The following SLC22A2 variants were observed in gnomAD, a reference collection of about 807,000 sequenced individuals.
The protein encoded by SLC22A2 is solute carrier family 22 member 2, also known as organic cation transporter 2.
In SLC22A2, 46 loss-of-function variants were observed where a neutral mutation model predicts 60.5. That is an observed-to-expected ratio of 0.76 (90% confidence interval 0.60 to 0.97). The LOEUF (loss-of-function observed/expected upper bound fraction) is 0.97. Among genes scored for constraint, SLC22A2 ranks in the 50% least tolerant of loss-of-function variants. The pLI, the probability that SLC22A2 is intolerant of heterozygous loss-of-function variation, is 0.00. For synonymous variants in SLC22A2, 303 were observed against 267.0 expected, an observed-to-expected ratio of 1.13 and a Z score of -1.31; for missense variants, 701 against 706.6, an observed-to-expected ratio of 0.99 and a Z score of 0.09.
chr6:160,218,510 G>A lies in SLC22A2; in HGVS notation c.1602-1012C>T, dbSNP rs73600478. ...AACAAAAGCAACAGCAGCAACAATA[G>A]TAATAGCAACAGCAACAGTAACAGT... On this transcript the variant is annotated intron_variant, in intron 10 of 10. Transcript: ENST00000366953. 5.7e-3 allele frequency among the ~76,000 whole-genome samples: 850 copies of A among 147,964 alleles called. 12 individuals carry two copies. The highest frequency in any genetic ancestry group is 0.02 in the African/African-American group (812 of 40,388).
At chr6:160,238,309 A>G (rs1422171761) in intron 9 of SLC22A2, among the ~76,000 whole-genome samples, 1 of 152,204 alleles carries the variant, frequency 6.6e-6, no homozygotes. Context: ...GGAAGTGCCT[A>G]TTAAATAATT....
intron 9 of SLC22A2, among the ~76,000 whole-genome samples, chr6:160,236,867 A>G (rs1047233208): frequency 2.0e-5 from 3 of 152,100 alleles, no homozygotes; most frequent in Non-Finnish European, 4.4e-5. Flanking sequence ...TTGGCTTTGA[A>G]AAAAAAAGTC....
At chr6:160,255,659 G>T (rs1056140182) in intron 2 of SLC22A2, among the ~76,000 whole-genome samples, 2 of 151,962 alleles carry the variant, frequency 1.3e-5, no homozygotes. Context: ...ATCTCACTAG[G>T]TGATTGCTGA....
chr6:160,242,228 G>A, intron 8 of SLC22A2, 66 bp downstream of exon 8: 3 of 876,986 alleles, frequency 3.4e-6, no homozygotes, highest in Non-Finnish European at 5.9e-6. Flanking sequence ...GTCTGCACTT[G>A]TGGTGGTTCC....
At chr6:160,219,318 C>T (rs1029376945) in intron 10 of SLC22A2, among the ~76,000 whole-genome samples, 1 of 151,314 alleles carries the variant, frequency 6.6e-6, no homozygotes, top group African/African-American at 2.4e-5. Context: ...GCAGCAGTAA[C>T]AATAACAACA....
chr6:160,229,220 C>T (rs1782778328), intron 9 of SLC22A2, among the ~76,000 whole-genome samples: 1 of 151,910 alleles, frequency 6.6e-6, no homozygotes, highest in Non-Finnish European at 1.5e-5. Flanking sequence ...TCTTCACTCT[C>T]TTCTCCAACC....
chr6:160,248,356 C>A (rs1783130522), intron 4 of SLC22A2, among the ~76,000 whole-genome samples: 2 of 152,204 alleles, frequency 1.3e-5, no homozygotes, highest in African/African-American at 4.8e-5. Flanking sequence ...TTCCCAGCCT[C>A]CAGAACTATG....
chr6:160,231,790 C>T (rs1319204954), intron 9 of SLC22A2, among the ~76,000 whole-genome samples: 1 of 151,918 alleles, frequency 6.6e-6, no homozygotes, highest in Non-Finnish European at 1.5e-5. Flanking sequence ...ACTCCCCTTT[C>T]CATTCCTTAA....
At chr6:160,229,459 C>A (rs774628733) in intron 9 of SLC22A2, among the ~76,000 whole-genome samples, 1 of 151,904 alleles carries the variant, frequency 6.6e-6, no homozygotes, top group Non-Finnish European at 1.5e-5. Flanking sequence ...CACGGGGATG[C>A]TTGCCTTGGT....
chr6:160,232,157 C>T (rs551932289), intron 9 of SLC22A2, among the ~76,000 whole-genome samples: 50 of 152,028 alleles, frequency 3.3e-4, no homozygotes, highest in African/African-American at 1.2e-3. Flanking sequence ...TTGTTCCTGG[C>T]CTGGACTTCA....
intron 9 of SLC22A2, among the ~76,000 whole-genome samples, chr6:160,227,757 C>T (rs1003627748): frequency 1.3e-5 from 2 of 152,214 alleles, no homozygotes; most frequent in Admixed American, 6.5e-5. Flanking sequence ...AGACAGTTAG[C>T]ACTCTAAGTC....
At chr6:160,247,521 C>T (rs1433330014) in intron 4 of SLC22A2, among the ~76,000 whole-genome samples, 21 of 152,166 alleles carry the variant, frequency 1.4e-4, no homozygotes, top group Admixed American at 1.0e-3. Flanking sequence ...AAGCAGGGTG[C>T]GGCTGAACAT....
At chr6:160,249,414 A>G (rs1243433787) in intron 3 of SLC22A2, 30 bp from the exon 4 acceptor site, 2 of 1,580,022 alleles carry the variant, frequency 1.3e-6, no homozygotes, top group Admixed American at 3.5e-5. Context: ...GGTTAATGCA[A>G]TTCAATACAA....
Position 160,256,737 on chromosome 6 carries a change from G to A in SLC22A2, c.415-20C>T, listed in dbSNP as rs1167745164. On this transcript the variant is annotated intron_variant, in intron 1 of 10. Coordinates refer to ENST00000366953, the MANE Select transcript of SLC22A2 (RefSeq NM_003058.4). Reference sequence around the variant, plus strand: ...GTTAAACTGCCAGCAGGGGAGAAGTGTTCCAAGTTGGGAGAGAAAGGAAAT... The same window carrying A: ...GTTAAACTGCCAGCAGGGGAGAAGTATTCCAAGTTGGGAGAGAAAGGAAAT... The A allele has an allele frequency of 6.6e-7, 1 of 1,526,598 alleles. No homozygotes were observed. The highest frequency in any genetic ancestry group is 9.1e-7 in the Non-Finnish European group (1 of 1,100,860). 94.6% of individuals were successfully genotyped at this position (1,526,598 alleles called of 1,614,324 possible).
Position 160,258,616 on chromosome 6 carries a change from C to T in SLC22A2, c.142G>A (p.Asp48Asn). 1 of 1,613,982 alleles carries T rather than the reference C, an allele frequency of 6.2e-7. No homozygotes were observed. The highest frequency in any genetic ancestry group is 1.7e-5 in the Admixed American group (1 of 60,022). Residue 48 changes from aspartate to asparagine, a missense_variant, in exon 1 of 11, where the codon GAC (aspartate) becomes AAC (asparagine). Coordinates refer to ENST00000366953, the MANE Select transcript of SLC22A2 (RefSeq NM_003058.4). ...ACTCCGGGGCTCCGGCAGCGGTGGTCAGGGGTGAAGCCCAGGAAGACGATG... is the reference window on the plus strand; with the variant it reads ...ACTCCGGGGCTCCGGCAGCGGTGGTTAGGGGTGAAGCCCAGGAAGACGATG... ...VGIVFLGFTP[D>N]HRCRSPGVAE...
intron 10 of SLC22A2, among the ~76,000 whole-genome samples, chr6:160,222,000 T>C (rs186078362): frequency 1.1e-3 from 166 of 152,084 alleles, no homozygotes; most frequent in African/African-American, 3.9e-3. Flanking sequence ...CTTCAATCTG[T>C]TAAAAAACAC....
chr6:160,258,473 G>A lies in SLC22A2; in HGVS notation c.285C>T (p.Asp95=). The change falls in exon 1 of 11, where the codon GAC becomes GAT. Residue 95 remains aspartate (D), a synonymous_variant. Transcript: ENST00000366953. ...CGCAGTCGAAGGTGCTCTGGTTCCA[G>A]TCCACCTCGTAGCGCCTACACTGTC... ...SPRQCRRYEV[D]WNQSTFDCVD... is the part of the protein sequence containing the mutation. The A allele has an allele frequency of 6.2e-7, 1 of 1,614,166 alleles. No individual in the cohort carries two copies. Among genetic ancestry groups the A allele is most frequent in the Non-Finnish European group, 8.5e-7 (1 of 1,180,028 alleles).
chr6:160,249,669 A>C (rs566550842), intron 3 of SLC22A2, among the ~76,000 whole-genome samples: 89 of 152,356 alleles, frequency 5.8e-4, no homozygotes, highest in African/African-American at 2.0e-3. Flanking sequence ...TGTATTTCAG[A>C]TACATGCAAG....
At chr6:160,245,695 T>A in intron 5 of SLC22A2, 150 bp from the exon 6 acceptor site, 23 of 59,106 alleles carry the variant, frequency 3.9e-4, no homozygotes, top group East Asian at 9.7e-4. Context: ...TCCCATTTCA[T>A]TTTTTTTTTT....
Sources: gnomAD v4.1 joint callset for allele counts (sites outside exome capture counted in the v4.1 genomes callset) on GRCh38, gnomAD v4.1.1 for gene constraint, MANE v1.5 for transcripts, NCBI Gene and HGNC (gene_info 2026-07-23, HGNC 2026-07-21) for gene names.